Variants in KRT34 observed in about 807,000 individuals in gnomAD.
KRT34 encodes the protein keratin, type I cuticular Ha4.
KRT34 carries 31 observed loss-of-function variants against 41.7 expected under a neutral mutation model. That is an observed-to-expected ratio of 0.74 (90% CI 0.56 to 1.00). The LOEUF is 1.00. KRT34 is among the 50% of genes least tolerant of loss of function. The pLI, the probability that KRT34 is intolerant of heterozygous loss-of-function variation, is 0.00. For missense variants in KRT34, 523 were observed against 500.3 expected (o/e 1.05, Z -0.43); for synonymous variants, 224 against 212.9 (o/e 1.05, Z -0.45).
intron 3 of KRT34, 69 bp downstream of exon 3, chr17:41,380,987 T>G: frequency 6.8e-7 from 1 of 1,461,142 alleles, no homozygotes; most frequent in African/African-American, 1.4e-5. Flanking sequence ...ATCCAGACAG[T>G]AATCCTCTCC....
rs200508679 is a variant in KRT34 at position 41,381,173 on chromosome 17, C to T, written c.471G>A (p.Ser157=). ...TEQSLRLLVE[S]DINSIRRILD... ...GGATCCTGCGTATGCTGTTGATGTCCGACTCCACCAACAGCCTCAGGGACT... is the reference window on the plus strand; with the variant it reads ...GGATCCTGCGTATGCTGTTGATGTCTGACTCCACCAACAGCCTCAGGGACT... The change falls in exon 3 of 7, where the codon TCG becomes TCA. Residue 157 remains serine (S), a synonymous_variant. Coordinates refer to ENST00000394001, the MANE Select transcript of KRT34 (RefSeq NM_001386014.1). The T allele has an allele frequency of 2.6e-5, 42 of 1,614,104 alleles. No individual in the cohort carries two copies. The East Asian group carries it at 4.0e-4, about 15-fold the overall frequency.
chr17:41,382,121 G>A lies in KRT34; in HGVS notation c.126C>T (p.Ser42=), dbSNP rs1344351561. ...AGCCCTCACAGAACCAGTTGCAGTT[G>A]CTCACATTGGCGGGGATGTTGCAGG... The part of the protein sequence containing the change: ...PGACNIPANV[S]NCNWFCEGSF... Residue 42 remains serine, a synonymous_variant, in exon 1 of 7, where the codon AGC becomes AGT. Coordinates refer to ENST00000394001, the MANE Select transcript of KRT34 (RefSeq NM_001386014.1). 3 of 1,612,370 alleles carry A rather than the reference G, an allele frequency of 1.9e-6. No homozygotes were observed. Among genetic ancestry groups the A allele is most frequent in the Non-Finnish European group, 1.7e-6 (2 of 1,180,052 alleles).
upstream of KRT34, among the ~76,000 whole-genome samples, chr17:41,383,638 G>T (rs1338954077): frequency 2.0e-5 from 3 of 152,020 alleles, no homozygotes; most frequent in African/African-American, 7.2e-5. Context: ...GTGCTCAGAG[G>T]TATCTTTGTA....
chr17:41,380,552 C>T (rs2017958723), intron 3 of KRT34, among the ~76,000 whole-genome samples: 1 of 151,876 alleles, frequency 6.6e-6, no homozygotes, highest in Non-Finnish European at 1.5e-5. Context: ...GACTGAAACA[C>T]CCAAGTACTG....
upstream of KRT34, chr17:41,382,353 G>A (rs2018012916): frequency 6.2e-7 from 1 of 1,612,050 alleles, no homozygotes; most frequent in Non-Finnish European, 8.5e-7. Flanking sequence ...AATTGTGGGT[G>A]GGGGCTTGGC....
chr17:41,380,339 G>A (rs1438613883), intron 3 of KRT34, among the ~76,000 whole-genome samples: 5 of 152,024 alleles, frequency 3.3e-5, no homozygotes, highest in Non-Finnish European at 7.4e-5. Context: ...CTCCAACAGG[G>A]ATCACGTCAA....
Position 41,377,912 on chromosome 17 carries a change from A to G in KRT34, c.*147T>C. 3 of 617,862 alleles carry G rather than the reference A, an allele frequency of 4.9e-6. No individual in the cohort carries two copies. The highest frequency in any genetic ancestry group is 8.8e-6 in the Non-Finnish European group (3 of 341,574). The allele number at this position is 617,862 out of a possible 1,614,324, so 38.3% of individuals were successfully genotyped here. A position where few individuals can be genotyped will look rare whatever the true frequency, so the allele number is the denominator to read the frequency against. On this transcript the variant is annotated 3_prime_UTR_variant, in exon 7 of 7. Transcript: ENST00000394001. ...GATGTGTGTCTTTGCTTGGGTCAGG[A>G]AAGCTTTTCAGCATTCTAGAAATAA...
chr17:41,377,834 C>A lies in KRT34; in HGVS notation c.*225G>T, dbSNP rs1027754063. On this transcript the variant is annotated 3_prime_UTR_variant, in exon 7 of 7. Coordinates refer to ENST00000394001, the MANE Select transcript of KRT34 (RefSeq NM_001386014.1). ...ACAGGGAGCTGAACATCTTTAGAAA[C>A]AAACAGGCTCGACCCTCAACAGGAA... 1 of 511,892 alleles carries A rather than the reference C, an allele frequency of 2.0e-6. No homozygotes were observed. The highest frequency in any genetic ancestry group is 3.5e-6 in the Non-Finnish European group (1 of 284,944). 31.7% of individuals were successfully genotyped at this position (511,892 alleles called of 1,614,324 possible). A position where few individuals can be genotyped will look rare whatever the true frequency, so the allele number is the denominator to read the frequency against.
chr17:41,382,295 G>T lies in KRT34; in HGVS notation c.-49C>A. 6.2e-7 allele frequency: 1 copy of T among 1,613,312 alleles called. No homozygotes were observed. The highest frequency in any genetic ancestry group is 1.9e-4 in the Middle Eastern group (1 of 5,296). ...AGCAGGTAAGCTGCTGGAGGTGGATGTGGGCAGGTTTGAGTCTCTCCTTCC... is the reference window on the plus strand; with the variant it reads ...AGCAGGTAAGCTGCTGGAGGTGGATTTGGGCAGGTTTGAGTCTCTCCTTCC... On this transcript the variant is annotated 5_prime_UTR_variant, in exon 1 of 7. Coordinates refer to ENST00000394001, the MANE Select transcript of KRT34 (RefSeq NM_001386014.1).
chr17:41,382,532 A>G, upstream of KRT34: 1 of 651,298 alleles, frequency 1.5e-6, no homozygotes. Context: ...GTTTCATCAG[A>G]TGGCTTCATA....
intron 6 of KRT34, 128 bp downstream of exon 6, chr17:41,378,828 A>T: frequency 7.5e-7 from 1 of 1,330,796 alleles, no homozygotes. Flanking sequence ...TAGCTATCAC[A>T]GATCACTGGA....
At chr17:41,383,278 A>C (rs1482544561), upstream of KRT34, among the ~76,000 whole-genome samples, 1 of 152,164 alleles carries the variant, frequency 6.6e-6, no homozygotes, top group South Asian at 2.1e-4. Flanking sequence ...CGGCCTCCCA[A>C]AGTGCTGGGA....
chr17:41,380,800 T>C (rs923015260), intron 3 of KRT34, among the ~76,000 whole-genome samples: 4 of 152,172 alleles, frequency 2.6e-5, no homozygotes, highest in Admixed American at 6.5e-5. Context: ...GACCTAGCAG[T>C]GATCAGCAGA....
Position 41,378,142 on chromosome 17 carries a change from G to C in KRT34, c.1102C>G (p.Pro368Ala). 6.2e-7 allele frequency: 1 copy of C among 1,612,482 alleles called. No homozygotes were observed. The highest frequency in any genetic ancestry group is 8.5e-7 in the Non-Finnish European group (1 of 1,178,728). Residue 368 changes from proline to alanine, a missense_variant, in exon 7 of 7, where the codon CCC (proline) becomes GCC (alanine). Coordinates refer to ENST00000394001, the MANE Select transcript of KRT34 (RefSeq NM_001386014.1). Reference protein sequence around the residue: ...SLLESEDCKLPCNPCATTNAS... With the variant: ...SLLESEDCKLACNPCATTNAS... ...TTGGTGGTGGCGCATGGGTTGCAGG[G>C]GAGCCTAGGAGGACAAGGAGGTTTA...
At position 41,378,085 on chromosome 17, in the gene KRT34, T is replaced by G. The variant is rs771412027; in HGVS notation, c.1159A>C (p.Thr387Pro). Residue 387 changes from threonine to proline, a missense_variant, in exon 7 of 7, where the codon ACC becomes CCC. Thr to Pro is a conservative substitution (Grantham distance 38). Transcript: ENST00000394001. ...ASGNSCGPCG[T>P]SQKGCCN is the part of the protein sequence containing the mutation. ...CAATTACAGCAACCCTTTTGAGAGG[T>G]GCCACAGGGTCCACAGGAGTTGCCA... 1 of 1,613,830 alleles carries G rather than the reference T, an allele frequency of 6.2e-7. No individual in the cohort carries two copies. The highest frequency in any genetic ancestry group is 1.7e-5 in the Admixed American group (1 of 60,016).
At position 41,382,167 on chromosome 17, in the gene KRT34, T is replaced by C. The variant is rs144449213; in HGVS notation, c.80A>G (p.His27Arg). The change falls in exon 1 of 7, where the codon CAC (histidine) becomes CGC (arginine). Residue 27 changes from histidine (H) to arginine (R), a missense_variant. His to Arg is a conservative substitution (Grantham distance 29). Coordinates refer to ENST00000394001, the MANE Select transcript of KRT34 (RefSeq NM_001386014.1). ...GCAGGCCCCAGGCAGGGTGTAGCCG[T>C]GGCAGCTGGGGGGCACGCAGGGCCG... ...SSRPCVPPSC[H>R]GYTLPGACNI... is the part of the protein sequence containing the mutation. 8.7e-6 allele frequency: 14 copies of C among 1,612,328 alleles called. No individual in the cohort carries two copies. Among genetic ancestry groups the C allele is most frequent in the Non-Finnish European group, 1.2e-5 (14 of 1,180,014 alleles).
chr17:41,382,766 G>A (rs1180156816), upstream of KRT34, among the ~76,000 whole-genome samples: 2 of 152,168 alleles, frequency 1.3e-5, no homozygotes, highest in African/African-American at 4.8e-5. Flanking sequence ...CATTCAATTT[G>A]TTTTTATAGC....
rs781546162 is a variant in KRT34 at position 41,382,045 on chromosome 17, C to T, written c.202G>A (p.Ala68Thr). The change falls in exon 1 of 7, where the codon GCC becomes ACC. Residue 68 changes from alanine to threonine, a missense_variant. Physicochemically the swap from Ala to Thr is moderately conservative, Grantham distance 58 (BLOSUM62 0). Transcript: ENST00000394001. ...TGACGCACCTTCTCCAGGTAGCTGG[C>T]CAGGCGGTCGTTCAGGAACTGCATA... is the stretch of plus-strand genomic sequence containing the variant. ...ETMQFLNDRL[A>T]SYLEKVRQLE... 6.3e-5 allele frequency: 102 copies of T among 1,613,832 alleles called. No individual in the cohort carries two copies. The highest frequency in any genetic ancestry group is 8.6e-5 in the Non-Finnish European group (101 of 1,180,050).
At chr17:41,382,956 T>C (rs1175260634), upstream of KRT34, among the ~76,000 whole-genome samples, 4 of 151,996 alleles carry the variant, frequency 2.6e-5, no homozygotes, top group East Asian at 5.8e-4. Flanking sequence ...CATCTGCAAA[T>C]GGCAGCCCAC....
Sources: allele counts gnomAD v4.1 joint callset (sites outside exome capture counted in the v4.1 genomes callset), GRCh38; gene constraint gnomAD v4.1.1; transcripts MANE v1.5; gene names NCBI Gene and HGNC (gene_info 2026-07-23, HGNC 2026-07-21).